The following ERAP1 variants were observed in gnomAD, a reference collection of about 807,000 sequenced individuals.
The protein encoded by ERAP1 is adipocyte-derived leucine aminopeptidase.
In ERAP1, 86 loss-of-function variants were observed where a neutral mutation model predicts 103.7. The ratio of observed to expected loss-of-function variants is 0.83; its 90% CI spans 0.70 to 0.99. The LOEUF (loss-of-function observed/expected upper bound fraction) is 0.99, where lower values mean the gene tolerates loss of function less well. Among genes scored for constraint, ERAP1 ranks in the 50% least tolerant of loss-of-function variants. ERAP1 has a pLI of 0.00. For synonymous variants in ERAP1, 398 were observed against 402.4 expected (o/e 0.99, Z 0.13); for missense variants, 1,009 against 1,128.4 (o/e 0.89, Z 1.52).
the ERAP1 span, among the ~76,000 whole-genome samples, chr5:96,837,911 A>C: frequency 6.6e-6 from 1 of 152,104 alleles, no homozygotes; most frequent in Non-Finnish European, 1.5e-5. Flanking sequence ...CCTCTCTGAA[A>C]CTACGCCATC....
the ERAP1 span, chr5:96,895,346 C>A: frequency 6.2e-7 from 1 of 1,606,458 alleles, no homozygotes; most frequent in African/African-American, 1.3e-5. Context: ...GCTACATATC[C>A]AGAGCTGCAA....
chr5:96,863,585 G>T, the ERAP1 span, among the ~76,000 whole-genome samples: 13,308 of 150,200 alleles, frequency 0.089, 675 homozygotes, highest in Middle Eastern at 0.15. Context: ...CCCCGAAACA[G>T]AAGCTCCTTC....
chr5:96,901,019 T>C, the ERAP1 span, among the ~76,000 whole-genome samples: 2 of 152,182 alleles, frequency 1.3e-5, no homozygotes, highest in African/African-American at 4.8e-5. Context: ...CAGAAACCCA[T>C]ACTAGCAGTG....
the ERAP1 span, among the ~76,000 whole-genome samples, chr5:96,834,395 G>A: frequency 3.3e-5 from 5 of 152,072 alleles, no homozygotes; most frequent in South Asian, 4.2e-4. Flanking sequence ...TAATAACCCC[G>A]ACCATAAAGA....
the ERAP1 span, among the ~76,000 whole-genome samples, chr5:96,883,117 G>C: frequency 6.6e-6 from 1 of 152,110 alleles, no homozygotes; most frequent in South Asian, 2.1e-4. Context: ...CAGACCATTA[G>C]CCAACAATGG....
intron 1 of ERAP1, among the ~76,000 whole-genome samples, chr5:96,807,121 C>T (rs185614199): frequency 6.6e-6 from 1 of 152,312 alleles, no homozygotes; most frequent in South Asian, 2.1e-4. Flanking sequence ...GTGCTCTCCC[C>T]CTTCCCCTCA....
At chr5:96,901,626 C>T in the ERAP1 span, 828 of 1,614,070 alleles carry the variant, frequency 5.1e-4, no homozygotes, top group Non-Finnish European at 6.6e-4. Context: ...GCAACAGGAG[C>T]GCTTCCTCCA....
the ERAP1 span, among the ~76,000 whole-genome samples, chr5:96,891,111 G>A: frequency 6.6e-6 from 1 of 152,052 alleles, no homozygotes; most frequent in Non-Finnish European, 1.5e-5. Context: ...ATTGTGTTAT[G>A]TATACTTGTT....
chr5:96,890,311 C>T, the ERAP1 span, among the ~76,000 whole-genome samples: 16 of 152,266 alleles, frequency 1.1e-4, no homozygotes, highest in African/African-American at 3.6e-4. Context: ...AAGGAACACG[C>T]AACTTAGATC....
At chr5:96,793,629 T>A in intron 6 of ERAP1, 116 bp from the exon 7 acceptor site, 4 of 1,092,430 alleles carry the variant, frequency 3.7e-6, no homozygotes, top group Admixed American at 2.3e-5. Context: ...TTAATCAAGG[T>A]AAAAATAAAA....
chr5:96,910,696 CTTAT>C, the ERAP1 span, among the ~76,000 whole-genome samples: 1 of 152,282 alleles, frequency 6.6e-6, no homozygotes, highest in Non-Finnish European at 1.5e-5. Context: ...TCTAGGTAAA[CTTAT>C]TTATGCTCAC....
the ERAP1 span, among the ~76,000 whole-genome samples, chr5:96,911,912 G>A: frequency 2.2e-5 from 3 of 137,618 alleles, no homozygotes; most frequent in African/African-American, 5.4e-5. Context: ...AAAAATGGCC[G>A]GGCGCGGTGG....
At chr5:96,898,087 T>TC in the ERAP1 span, among the ~76,000 whole-genome samples, 8 of 152,146 alleles carry the variant, frequency 5.3e-5, no homozygotes, top group Non-Finnish European at 1.0e-4. Context: ...TCCCAGCTAT[T>TC]CGTGAGGCTA....
At chr5:96,793,545 C>T in intron 6 of ERAP1, 32 bp from the exon 7 acceptor site, 1 of 1,503,050 alleles carries the variant, frequency 6.7e-7, no homozygotes, top group Non-Finnish European at 9.3e-7. Flanking sequence ...TAAACAAAGA[C>T]ACTCAGAAAG....
intron 1 of ERAP1, 79 bp from the exon 2 acceptor site, chr5:96,804,022 A>G: frequency 5.3e-6 from 8 of 1,503,882 alleles, no homozygotes; most frequent in Non-Finnish European, 6.4e-6. Context: ...GAATGTATCC[A>G]CCCAGCATTC....
chr5:96,843,547 T>A, the ERAP1 span, among the ~76,000 whole-genome samples: 1 of 152,204 alleles, frequency 6.6e-6, no homozygotes, highest in African/African-American at 2.4e-5. Flanking sequence ...ATAACCCTTT[T>A]GTTACTTGGG....
At chr5:96,913,405 C>T in the ERAP1 span, 2 of 1,613,992 alleles carry the variant, frequency 1.2e-6, no homozygotes, top group South Asian at 1.1e-5. Flanking sequence ...TCCAAAGGGG[C>T]AGCAACTAGC....
At chr5:96,874,392 A>T in the ERAP1 span, among the ~76,000 whole-genome samples, 4 of 152,182 alleles carry the variant, frequency 2.6e-5, no homozygotes, top group African/African-American at 9.6e-5. Context: ...TCGCCCACAT[A>T]CCCACAGCTA....
chr5:96,777,894 A>G (rs2150884511), intron 18 of ERAP1, among the ~76,000 whole-genome samples: 1 of 152,332 alleles, frequency 6.6e-6, no homozygotes, highest in East Asian at 1.9e-4. Flanking sequence ...TGAATATTTG[A>G]TTCAGACTTG....
Sources: gnomAD v4.1 joint callset for allele counts (sites outside exome capture counted in the v4.1 genomes callset) on GRCh38, gnomAD v4.1.1 for gene constraint, MANE v1.5 for transcripts, NCBI Gene and HGNC (gene_info 2026-07-23, HGNC 2026-07-21) for gene names.